The following RNF144A variants were observed in gnomAD, a reference collection of about 807,000 sequenced individuals.
The protein encoded by RNF144A is ring finger protein 144A, also known as E3 ubiquitin-protein ligase RNF144A.
A neutral mutation model predicts 38.7 loss-of-function variants in RNF144A; 11 were observed. That is an observed-to-expected ratio of 0.28 (90% CI 0.18 to 0.47). RNF144A has a LOEUF of 0.47. RNF144A is among the 20% of genes least tolerant of loss of function. RNF144A has a pLI of 0.99. For synonymous variants in RNF144A, 149 were observed against 143.9 expected (o/e 1.04, Z -0.25); for missense variants, 316 against 377.2 (o/e 0.84, Z 1.34).
At chr2:7,020,787 G>C in intron 6 of RNF144A, 107 bp downstream of exon 6, 1 of 946,122 alleles carries the variant, frequency 1.1e-6, no homozygotes, top group South Asian at 1.4e-5. Flanking sequence ...CTGTGGCTCA[G>C]TCAACCCTAA....
At chr2:6,928,383 A>G (rs1291226097) in intron 1 of RNF144A, among the ~76,000 whole-genome samples, 1 of 152,138 alleles carries the variant, frequency 6.6e-6, no homozygotes, top group Non-Finnish European at 1.5e-5. Flanking sequence ...TACCATTGGC[A>G]TTCTCCTGGC....
intron 2 of RNF144A, among the ~76,000 whole-genome samples, chr2:6,991,680 C>T (rs1452258714): frequency 6.6e-6 from 1 of 152,164 alleles, no homozygotes; most frequent in African/African-American, 2.4e-5. Flanking sequence ...ATCAAAGTCT[C>T]AGAGTCATTG....
intron 3 of RNF144A, among the ~76,000 whole-genome samples, chr2:7,006,930 G>A (rs1158725838): frequency 1.3e-5 from 2 of 152,156 alleles, no homozygotes; most frequent in East Asian, 1.9e-4. Context: ...AGAAAATGCC[G>A]ATTCCTGATA....
intron 2 of RNF144A, among the ~76,000 whole-genome samples, chr2:6,950,873 C>G (rs1027433315): frequency 1.3e-5 from 2 of 152,036 alleles, no homozygotes; most frequent in African/African-American, 4.8e-5. Context: ...TTGTATTTTT[C>G]TTATTGATTT....
At position 7,042,391 on chromosome 2, in the gene RNF144A, G is replaced by A. The variant is rs149269218; in HGVS notation, c.*2631G>A. On this transcript the variant is annotated 3_prime_UTR_variant, in exon 9 of 9. Transcript: ENST00000320892. Reference sequence around the variant, plus strand: ...CATAATTTGTCTCCATTGAAAAATGGCATTCACTCTTACAGATGGTGTTCA... The same window carrying A: ...CATAATTTGTCTCCATTGAAAAATGACATTCACTCTTACAGATGGTGTTCA... The A allele has an allele frequency of 6.3e-3, 6,161 of 985,448 alleles. 22 individuals are homozygous for A. The highest frequency in any genetic ancestry group is 7.1e-3 in the South Asian group (151 of 21,282). The allele number at this position is 985,448 out of a possible 1,614,324, so 61.0% of individuals were successfully genotyped here.
intron 1 of RNF144A, among the ~76,000 whole-genome samples, chr2:6,931,905 G>A (rs1665229253): frequency 6.6e-6 from 1 of 152,140 alleles, no homozygotes; most frequent in Admixed American, 6.6e-5. Flanking sequence ...TTGTTGGATG[G>A]AGTATTCTTT....
chr2:7,029,527 A>G (rs911912967), intron 7 of RNF144A, among the ~76,000 whole-genome samples: 2 of 152,220 alleles, frequency 1.3e-5, no homozygotes, highest in African/African-American at 4.8e-5. Flanking sequence ...GCAGACAGAA[A>G]GTGCTCCCCG....
intron 2 of RNF144A, among the ~76,000 whole-genome samples, chr2:6,961,324 A>G (rs1160149236): frequency 2.0e-5 from 3 of 152,160 alleles, no homozygotes; most frequent in Non-Finnish European, 4.4e-5. Flanking sequence ...CAATATGACC[A>G]GGAAAAAAAA....
intron 2 of RNF144A, among the ~76,000 whole-genome samples, chr2:6,957,890 C>G (rs970921599): frequency 1.3e-5 from 2 of 152,264 alleles, no homozygotes; most frequent in African/African-American, 4.8e-5. Flanking sequence ...CTCCCCGCCT[C>G]TCACCACTCA....
In RNF144A at chr2:7,041,318, A is replaced by G. The variant is rs1673028988; in HGVS notation, c.*1558A>G. 6 of 985,702 alleles carry G rather than the reference A, an allele frequency of 6.1e-6. No individual in the cohort carries two copies. The highest frequency in any genetic ancestry group is 6.2e-5 in the Admixed American group (1 of 16,258). 61.1% of individuals were successfully genotyped at this position (985,702 alleles called of 1,614,324 possible). A position where few individuals can be genotyped will look rare whatever the true frequency, so the allele number is the denominator to read the frequency against. ...CCTAGTTTACTTTCCCTGGTTGGAA[A>G]TTTATTTCTTATTTCCTAACATTGA... On this transcript the variant is annotated 3_prime_UTR_variant, in exon 9 of 9. Transcript: ENST00000320892.
At chr2:6,926,216 G>T (rs1298053731) in intron 1 of RNF144A, among the ~76,000 whole-genome samples, 6 of 152,230 alleles carry the variant, frequency 3.9e-5, no homozygotes, top group Admixed American at 1.3e-4. Context: ...GAGAGAGGAG[G>T]GGGAGTTGGT....
chr2:6,969,790 C>T (rs1667882675), intron 2 of RNF144A, among the ~76,000 whole-genome samples: 1 of 152,190 alleles, frequency 6.6e-6, no homozygotes, highest in African/African-American at 2.4e-5. Flanking sequence ...TTCAGACAGT[C>T]TCGCTGTGTC....
chr2:6,985,641 G>A (rs141353801), intron 2 of RNF144A, among the ~76,000 whole-genome samples: 1 of 152,040 alleles, frequency 6.6e-6, no homozygotes, highest in Non-Finnish European at 1.5e-5. Flanking sequence ...GAAGTTGATC[G>A]GTATCAATGG....
intron 2 of RNF144A, among the ~76,000 whole-genome samples, chr2:6,996,135 T>G (rs1249062780): frequency 6.6e-6 from 1 of 152,218 alleles, no homozygotes; most frequent in Non-Finnish European, 1.5e-5. Flanking sequence ...TTCCTTCTGT[T>G]GGACGTCTAC....
chr2:7,009,279 A>G (rs1188079602), intron 3 of RNF144A, among the ~76,000 whole-genome samples: 1 of 152,248 alleles, frequency 6.6e-6, no homozygotes, highest in Non-Finnish European at 1.5e-5. Context: ...TCCAGCAAGG[A>G]TGCCACCTGC....
Position 7,043,483 on chromosome 2 carries a change from G to A in RNF144A, c.*3723G>A. The A allele has an allele frequency of 5.1e-6, 5 of 985,750 alleles. No individual in the cohort carries two copies. Among genetic ancestry groups the A allele is most frequent in the Non-Finnish European group, 6.0e-6 (5 of 829,884 alleles). The allele number at this position is 985,750 out of a possible 1,614,324, so 61.1% of individuals were successfully genotyped here. On this transcript the variant is annotated 3_prime_UTR_variant, in exon 9 of 9. Coordinates refer to ENST00000320892, the MANE Select transcript of RNF144A (RefSeq NM_014746.6). ...ACCTGTGTATATATATAAATCACAA[G>A]GAGATCATCAAGGGAAAACATTTTG...
chr2:7,002,983 CA>C (rs554521258), intron 3 of RNF144A, among the ~76,000 whole-genome samples: 4 of 149,928 alleles, frequency 2.7e-5, no homozygotes, highest in Non-Finnish European at 4.4e-5. Context: ...TAGTTTTTAA[CA>C]AAAAAAGTTT....
intron 6 of RNF144A, among the ~76,000 whole-genome samples, chr2:7,063,156 A>C (rs1674045969): frequency 6.6e-6 from 1 of 152,228 alleles, no homozygotes; most frequent in African/African-American, 2.4e-5. Flanking sequence ...AGCTCCTAAC[A>C]CAGCCTTGGC....
At position 7,024,514 on chromosome 2, in the gene RNF144A, G is replaced by GACGTGAGT; in HGVS notation, c.657+2_657+9dup. On this transcript the variant is annotated frameshift_variant and splice_region_variant, in exon 7 of 9. Transcript: ENST00000320892. LOFTEE classifies it high-confidence loss of function. ...CTGCTGGTACTGCCTGGAGTCTCTG[G>GACGTGAGT]ACGTGAGTACGGCCTTCAGCTTCAC... 1 of 1,604,680 alleles carries GACGTGAGT rather than the reference G, an allele frequency of 6.2e-7. No homozygotes were observed. The highest frequency in any genetic ancestry group is 8.5e-7 in the Non-Finnish European group (1 of 1,172,148).
Sources: allele counts gnomAD v4.1 joint callset (sites outside exome capture counted in the v4.1 genomes callset), GRCh38; gene constraint gnomAD v4.1.1; transcripts MANE v1.5; gene names NCBI Gene and HGNC (gene_info 2026-07-23, HGNC 2026-07-21).